VPS13D: variants seen among roughly 807,000 people sequenced by gnomAD.
VPS13D encodes the protein intermembrane lipid transfer protein VPS13D.
A neutral mutation model predicts 461.9 loss-of-function variants in VPS13D; 187 were observed. That is an observed-to-expected ratio of 0.40 (90% CI 0.36 to 0.46). VPS13D has a LOEUF of 0.46. Among genes scored for constraint, VPS13D ranks in the 20% least tolerant of loss-of-function variants. The pLI, the probability that VPS13D is intolerant of heterozygous loss-of-function variation, is 0.60. For synonymous variants in VPS13D, 1,951 were observed against 1,986.3 expected, an observed-to-expected ratio of 0.98 and a Z score of 0.47; for missense variants, 4,711 against 5,364.9, an observed-to-expected ratio of 0.88 and a Z score of 3.81.
Position 12,329,857 on chromosome 1 carries a change from T to C in VPS13D, c.8226T>C (p.Thr2742=). 1 of 1,614,190 alleles carries C rather than the reference T, an allele frequency of 6.2e-7. No individual in the cohort carries two copies. The highest frequency in any genetic ancestry group is 8.5e-7 in the Non-Finnish European group (1 of 1,180,008). ...TGAATTTTCTTCAGCGTGTAAGAAC[T>C]AGCCCTGAAGGCTATGCCCACTTCA... ...SRLNFLQRVR[T]SPEGYAHFTL... Residue 2742 remains threonine, a synonymous_variant, in exon 37 of 70, where the codon ACT becomes ACC. Coordinates refer to ENST00000620676, the MANE Select transcript of VPS13D (RefSeq NM_015378.4).
chr1:12,454,410 C>A (rs1645299867), intron 65 of VPS13D, among the ~76,000 whole-genome samples: 1 of 151,934 alleles, frequency 6.6e-6, no homozygotes, highest in Non-Finnish European at 1.5e-5. Flanking sequence ...AACTTTAATT[C>A]TCTCATTAGA....
At chr1:12,314,764 T>G (rs952209956) in intron 30 of VPS13D, among the ~76,000 whole-genome samples, 10 of 152,212 alleles carry the variant, frequency 6.6e-5, no homozygotes, top group African/African-American at 2.4e-4. Flanking sequence ...GTTTTTACCT[T>G]TTTGAATTAG....
At chr1:12,371,837 C>G (rs1644122282) in intron 54 of VPS13D, among the ~76,000 whole-genome samples, 1 of 152,118 alleles carries the variant, frequency 6.6e-6, no homozygotes, top group South Asian at 2.1e-4. Context: ...TATGAACATG[C>G]CTGTACATAT....
rs1329289842 is a variant in VPS13D, at chr1:12,311,932, C to G, written c.6935+7C>G. 6.2e-7 allele frequency: 1 copy of G among 1,602,562 alleles called. No individual in the cohort carries two copies. ...GTGCTGGGTCCCTAGCCAGGTATGC[C>G]TTTGATTATATTATTATACTGTTAG... is the stretch of plus-strand genomic sequence containing the variant. On this transcript the variant is annotated splice_region_variant and intron_variant, in intron 29 of 69. Transcript: ENST00000620676.
chr1:12,368,572 G>T lies in VPS13D; in HGVS notation c.10553G>T (p.Arg3518Leu), dbSNP rs1168406502. 6.2e-7 allele frequency: 1 copy of T among 1,612,850 alleles called. No individual in the cohort carries two copies. Among genetic ancestry groups the T allele is most frequent in the Non-Finnish European group, 8.5e-7 (1 of 1,179,484 alleles). The change falls in exon 53 of 70, where the codon CGA (arginine) becomes CTA (leucine). Residue 3518 changes from arginine to leucine, a missense_variant. Around this residue, in one of 3 missense-constraint regions of VPS13D, gnomAD observed 4,411 missense variants for 4,937.8 expected, o/e 0.89. Coordinates refer to ENST00000620676, the MANE Select transcript of VPS13D (RefSeq NM_015378.4). ...ACAGATCAGTTACCTCCTCCTTTCCGAATTGACAACTTTTCTAAGGTATCA... is the reference window on the plus strand; with the variant it reads ...ACAGATCAGTTACCTCCTCCTTTCCTAATTGACAACTTTTCTAAGGTATCA... ...SDTDQLPPPF[R>L]IDNFSKVPVV... is the part of the protein sequence containing the mutation.
At chr1:12,327,903 T>G (rs1643232434) in intron 36 of VPS13D, 49 bp downstream of exon 36, 3 of 1,574,990 alleles carry the variant, frequency 1.9e-6, no homozygotes, top group Non-Finnish European at 2.6e-6. Context: ...TTCCAGTCAT[T>G]GCTGAATTAT....
intron 67 of VPS13D, among the ~76,000 whole-genome samples, chr1:12,468,192 T>C (rs1645515453): frequency 6.6e-6 from 1 of 152,256 alleles, no homozygotes; most frequent in Admixed American, 6.5e-5. Context: ...TTGAGATTTT[T>C]GGTTTGAACT....
In VPS13D at chr1:12,318,216, C is replaced by T. The variant is rs200734749; in HGVS notation, c.7293C>T (p.His2431=). Residue 2431 remains histidine (H), a synonymous_variant, in exon 31 of 70, where the codon CAC becomes CAT. Coordinates refer to ENST00000620676, the MANE Select transcript of VPS13D (RefSeq NM_015378.4). ...KKQNHVTPSR[H]RNSSSESAIV... is the part of the protein sequence containing the mutation. ...AAAATCATGTTACTCCTTCTCGCCA[C>T]CGTAACTCTAGCAGCGAATCTGCTA... 23 of 1,614,206 alleles carry T rather than the reference C, an allele frequency of 1.4e-5. No individual in the cohort carries two copies. The Admixed American group carries it at 3.5e-4, about 25-fold the overall frequency.
At chr1:12,423,038 G>C (rs548530280) in intron 65 of VPS13D, among the ~76,000 whole-genome samples, 6 of 152,146 alleles carry the variant, frequency 3.9e-5, no homozygotes, top group Non-Finnish European at 7.4e-5. Context: ...CCCTCAGGAA[G>C]TGCTGGTGCC....
At chr1:12,498,620 C>T (rs1414923904) in intron 68 of VPS13D, among the ~76,000 whole-genome samples, 2 of 152,084 alleles carry the variant, frequency 1.3e-5, no homozygotes, top group Non-Finnish European at 2.9e-5. Flanking sequence ...TTTCTTGTTT[C>T]GTCTACTTGG....
At chr1:12,485,667 G>C (rs988618703) in intron 67 of VPS13D, among the ~76,000 whole-genome samples, 2 of 152,162 alleles carry the variant, frequency 1.3e-5, no homozygotes, top group Admixed American at 6.5e-5. Context: ...AGGTTGTTGG[G>C]GGGGTGGGCC....
chr1:12,285,297 T>TA (rs1279431236), intron 21 of VPS13D, among the ~76,000 whole-genome samples: 2 of 136,782 alleles, frequency 1.5e-5, no homozygotes, highest in African/African-American at 5.7e-5. Flanking sequence ...TATTTATTTA[T>TA]TTTTTTTTTT....
rs565545850 is a variant in VPS13D at position 12,404,651 on chromosome 1, AT to A, written c.12030+688del. Among the ~76,000 whole-genome samples, 46 of 149,956 alleles carry A rather than the reference AT, an allele frequency of 3.1e-4. 1 individual carries two copies. The highest frequency in any genetic ancestry group is 6.9e-3 in the Middle Eastern group (2 of 288). On this transcript the variant is annotated intron_variant, in intron 63 of 69. Transcript: ENST00000620676. ...CCAAGCCTGTCTGACTCTAAAGTCT[AT>A]TTTTTTTTTCACTATACTATGCTTC...
intron 2 of VPS13D, among the ~76,000 whole-genome samples, chr1:12,240,933 C>CT (rs970898865): frequency 9.9e-5 from 15 of 151,192 alleles, no homozygotes; most frequent in East Asian, 1.9e-4. Context: ...TCTTTTTCTT[C>CT]TTTTTTTTTC....
intron 18 of VPS13D, among the ~76,000 whole-genome samples, chr1:12,274,418 C>A (rs866711548): frequency 6.6e-6 from 1 of 152,030 alleles, no homozygotes; most frequent in African/African-American, 2.4e-5. Flanking sequence ...TCAAAGTGAT[C>A]TACCTGTCTT....
At chr1:12,264,712 A>G (rs911255914) in intron 13 of VPS13D, among the ~76,000 whole-genome samples, 7 of 152,230 alleles carry the variant, frequency 4.6e-5, no homozygotes, top group Non-Finnish European at 1.0e-4. Context: ...TCTCCATAAC[A>G]TAAAAGTGCA....
intron 59 of VPS13D, 86 bp from the exon 60 acceptor site, chr1:12,386,099 T>C: frequency 6.9e-7 from 1 of 1,447,484 alleles, no homozygotes; most frequent in Admixed American, 2.5e-5. Context: ...TAGAGGAATG[T>C]AAAATGCTTT....
intron 52 of VPS13D, among the ~76,000 whole-genome samples, chr1:12,366,957 A>G (rs1004884372): frequency 5.9e-5 from 9 of 152,306 alleles, no homozygotes; most frequent in South Asian, 2.1e-4. Flanking sequence ...ATATAATACT[A>G]TTGTCACATA....
chr1:12,278,327 A>G (rs1402944422), intron 19 of VPS13D, among the ~76,000 whole-genome samples: 1 of 151,860 alleles, frequency 6.6e-6, no homozygotes, highest in East Asian at 1.9e-4. Flanking sequence ...CTGGAGTGCA[A>G]TGATGCAGTC....
Sources: allele counts gnomAD v4.1 joint callset (sites outside exome capture counted in the v4.1 genomes callset), GRCh38; gene constraint gnomAD v4.1.1; regional missense constraint gnomAD v4.1.1; transcripts MANE v1.5; gene names NCBI Gene and HGNC (gene_info 2026-07-23, HGNC 2026-07-21).